The following UNC13B variants were observed in gnomAD, a reference collection of about 807,000 sequenced individuals.
The protein encoded by UNC13B is protein unc-13 homolog B.
UNC13B carries 144 observed loss-of-function variants against 211.0 expected under a neutral mutation model. The ratio of observed to expected loss-of-function variants is 0.68; its 90% CI spans 0.60 to 0.78. The LOEUF is 0.78. Among genes scored for constraint, UNC13B ranks in the 30% least tolerant of loss-of-function variants. The pLI is 0.00. For synonymous variants in UNC13B, 709 were observed against 725.8 expected, an observed-to-expected ratio of 0.98 and a Z score of 0.37; for missense variants, 1,777 against 2,002.0, an observed-to-expected ratio of 0.89 and a Z score of 2.14.
Position 35,302,559 on chromosome 9 carries a change from A to G in UNC13B, c.3155A>G (p.Asn1052Ser), listed in dbSNP as rs924903395. ...TCTGATTCAGTTACAAATATTAATA[A>G]TGATCTGGGGAAATTTGGGAATATA... Reference protein sequence around the residue: ...IKSDSVTNINNDLGKFGNIEE... With the variant: ...IKSDSVTNINSDLGKFGNIEE... The change falls in exon 9 of 40, where the codon AAT becomes AGT. Residue 1052 changes from asparagine to serine, a missense_variant. Physicochemically the swap from Asn to Ser is conservative, Grantham distance 46. Transcript: ENST00000635942. 11 of 398,534 alleles carry G rather than the reference A, an allele frequency of 2.8e-5. No homozygotes were observed. Among genetic ancestry groups the G allele is most frequent in the African/African-American group, 8.2e-5 (4 of 48,624 alleles). The allele number at this position is 398,534 out of a possible 1,614,324, so 24.7% of individuals were successfully genotyped here.
At chr9:35,360,393 G>A (rs535500462) in intron 11 of UNC13B, 3 of 152,256 alleles carry the variant, frequency 2.0e-5, no homozygotes, top group Non-Finnish European at 4.4e-5. Flanking sequence ...TATCAAAGAA[G>A]TGGAGGTAAT....
intron 1 of UNC13B, among the ~76,000 whole-genome samples, chr9:35,224,314 A>G (rs73499303): frequency 6.6e-6 from 1 of 152,154 alleles, no homozygotes; most frequent in South Asian, 2.1e-4. Flanking sequence ...GTTCTCTTCA[A>G]TTTCTCTCAT....
intron 11 of UNC13B, among the ~76,000 whole-genome samples, chr9:35,348,215 T>G (rs1832490720): frequency 6.6e-6 from 1 of 152,344 alleles, no homozygotes; most frequent in South Asian, 2.1e-4. Context: ...GCTTCATTAG[T>G]GTTCCCGACA....
intron 1 of UNC13B, among the ~76,000 whole-genome samples, chr9:35,176,189 G>C (rs113646660): frequency 9.2e-4 from 6 of 6,528 alleles, no homozygotes; most frequent in African/African-American, 2.5e-3. Context: ...TCAGCTGATA[G>C]TGAGGTGGTG....
chr9:35,316,303 C>T (rs940586552), intron 11 of UNC13B, among the ~76,000 whole-genome samples: 2 of 152,104 alleles, frequency 1.3e-5, no homozygotes, highest in African/African-American at 2.4e-5. Context: ...TGCATTATGA[C>T]TCTTACATTT....
intron 1 of UNC13B, among the ~76,000 whole-genome samples, chr9:35,196,322 A>G (rs1173760749): frequency 1.8e-4 from 28 of 152,268 alleles, no homozygotes; most frequent in Admixed American, 1.8e-3. Context: ...TTCCATGCAT[A>G]GAACTGGCTA....
chr9:35,175,295 T>C (rs1821562520), intron 1 of UNC13B, among the ~76,000 whole-genome samples: 1 of 152,308 alleles, frequency 6.6e-6, no homozygotes, highest in South Asian at 2.1e-4. Context: ...GAGATAAATA[T>C]ATGGAAGTTG....
chr9:35,312,679 T>G (rs1310046842), intron 10 of UNC13B, among the ~76,000 whole-genome samples: 1 of 152,212 alleles, frequency 6.6e-6, no homozygotes. Flanking sequence ...TATTTTAACA[T>G]GTCTAGATGG....
rs1829332601 is a variant in UNC13B, at chr9:35,295,910, TC to T, written c.743del (p.Pro248GlnfsTer15). 2 of 1,612,034 alleles carry T rather than the reference TC, an allele frequency of 1.2e-6. No homozygotes were observed. Among genetic ancestry groups the T allele is most frequent in the African/African-American group, 1.3e-5 (1 of 74,896 alleles). On this transcript the variant is annotated frameshift_variant, in exon 8 of 40. Coordinates refer to ENST00000635942, the MANE Select transcript of UNC13B (RefSeq NM_001371189.2). LOFTEE classifies it high-confidence loss of function. The stretch of plus-strand genomic sequence containing the variant: ...CTATGCAAAGTTATGACCTTGATTA[TC>T]CAGAGCGGCGGGCTATCAGGTGGGT... Reference protein sequence around the residue: ...DSMQSYDLDYPERRAIRYAQK... With the variant: ...DSMQSYDLDYXERRAIRYAQK...
chr9:35,223,104 CTT>C (rs1446566114), intron 1 of UNC13B, among the ~76,000 whole-genome samples: 2 of 152,140 alleles, frequency 1.3e-5, no homozygotes, highest in African/African-American at 4.8e-5. Context: ...TTGATTGACA[CTT>C]AGGTTGATTC....
At chr9:35,272,563 TA>T (rs1228797065) in intron 7 of UNC13B, among the ~76,000 whole-genome samples, 1 of 152,178 alleles carries the variant, frequency 6.6e-6, no homozygotes, top group Non-Finnish European at 1.5e-5. Context: ...CGGCCTGTTT[TA>T]TTTTTTCTTT....
chr9:35,301,103 G>GA lies in UNC13B; in HGVS notation c.1705dup (p.Thr569AsnfsTer5), dbSNP rs1220611072. 4 of 398,720 alleles carry GA rather than the reference G, an allele frequency of 1.0e-5. No individual in the cohort carries two copies. 24.7% of individuals were successfully genotyped at this position (398,720 alleles called of 1,614,324 possible). A position where few individuals can be genotyped will look rare whatever the true frequency, so the allele number is the denominator to read the frequency against. ...GGAAAAGTTGGTTTCCTTAGTTCCA[G>GA]AAAAAACAGAAACTCTTAATCAAAT... On this transcript the variant is annotated frameshift_variant, in exon 9 of 40. Coordinates refer to ENST00000635942, the MANE Select transcript of UNC13B (RefSeq NM_001371189.2). LOFTEE classifies it high-confidence loss of function.
In UNC13B at chr9:35,297,699, G is replaced by A. The variant is rs970579707; in HGVS notation, c.761+1769G>A. On this transcript the variant is annotated intron_variant, in intron 8 of 39. Transcript: ENST00000635942. ...CGAGTAGCTGGGATTACAGGCACCC[G>A]CCACCGTGCCCGGCTAATTTTTTGT... Among the ~76,000 whole-genome samples the A allele has an allele frequency of 1.1e-4, 17 of 151,804 alleles. 1 individual carries two copies. Among genetic ancestry groups the A allele is most frequent in the South Asian group, 4.2e-4 (2 of 4,798 alleles).
chr9:35,398,067 A>ACTGG, intron 30 of UNC13B, 144 bp from the exon 31 acceptor site: 1 of 652,340 alleles, frequency 1.5e-6, no homozygotes, highest in Non-Finnish European at 2.5e-6. Context: ...AATTATCTGA[A>ACTGG]CTGGCCCCAG....
intron 9 of UNC13B, among the ~76,000 whole-genome samples, chr9:35,310,009 G>A (rs1479490933): frequency 6.6e-6 from 1 of 152,132 alleles, no homozygotes; most frequent in Non-Finnish European, 1.5e-5. Context: ...AATTGTAGAG[G>A]AAGAAATGAT....
intron 11 of UNC13B, among the ~76,000 whole-genome samples, chr9:35,356,812 T>G (rs921543595): frequency 9.2e-5 from 14 of 152,226 alleles, no homozygotes; most frequent in African/African-American, 3.4e-4. Flanking sequence ...ATTTACTTCC[T>G]GTTTCTATGA....
intron 11 of UNC13B, among the ~76,000 whole-genome samples, chr9:35,340,751 C>CTGAT (rs968476718): frequency 1.3e-5 from 2 of 152,164 alleles, no homozygotes; most frequent in Non-Finnish European, 2.9e-5. Flanking sequence ...TTGTTACTGG[C>CTGAT]TGATCGAGCT....
Position 35,302,526 on chromosome 9 carries a change from T to G in UNC13B, c.3122T>G (p.Ile1041Arg). Residue 1041 changes from isoleucine to arginine, a missense_variant, in exon 9 of 40, where the codon ATA becomes AGA. Physicochemically the swap from Ile to Arg is moderately conservative, Grantham distance 97. Coordinates refer to ENST00000635942, the MANE Select transcript of UNC13B (RefSeq NM_001371189.2). Reference protein sequence around the residue: ...INSPEDAKFNIIKSDSVTNIN... With the variant: ...INSPEDAKFNRIKSDSVTNIN... ...AGTCCTGAAGATGCCAAATTTAATA[T>G]AATAAAGTCTGATTCAGTTACAAAT... 2.5e-6 allele frequency: 1 copy of G among 398,700 alleles called. No homozygotes were observed. The highest frequency in any genetic ancestry group is 4.4e-6 in the Non-Finnish European group (1 of 225,806). The allele number at this position is 398,700 out of a possible 1,614,324, so 24.7% of individuals were successfully genotyped here. A position where few individuals can be genotyped will look rare whatever the true frequency, so the allele number is the denominator to read the frequency against.
Position 35,303,913 on chromosome 9 carries a change from A to G in UNC13B, c.4509A>G (p.Ser1503=), listed in dbSNP as rs2131835125. The G allele has an allele frequency of 2.5e-6, 1 of 398,742 alleles. No individual in the cohort carries two copies. The highest frequency in any genetic ancestry group is 1.3e-4 in the South Asian group (1 of 7,854). 24.7% of individuals were successfully genotyped at this position (398,742 alleles called of 1,614,324 possible). ...SLRMDENFVF[S]SFGYEYQEWL... is the part of the protein sequence containing the mutation. ...GAATGGATGAAAACTTTGTTTTTTC[A>G]AGTTTTGGTTATGAGTACCAGGAAT... Residue 1503 remains serine, a synonymous_variant, in exon 9 of 40, where the codon TCA becomes TCG. Coordinates refer to ENST00000635942, the MANE Select transcript of UNC13B (RefSeq NM_001371189.2).
Sources: gnomAD v4.1 joint callset for allele counts (sites outside exome capture counted in the v4.1 genomes callset) on GRCh38, gnomAD v4.1.1 for gene constraint, MANE v1.5 for transcripts, NCBI Gene and HGNC (gene_info 2026-07-23, HGNC 2026-07-21) for gene names.